Variants in PSG2 observed in about 807,000 individuals in gnomAD.
PSG2 encodes the protein pregnancy specific beta-1-glycoprotein 2.
PSG2 carries 49 observed loss-of-function variants against 36.2 expected under a neutral mutation model. The observed-to-expected ratio is 1.35, with a 90% CI of 1.08 to 1.72. The LOEUF (loss-of-function observed/expected upper bound fraction) is 1.72, where lower values mean the gene tolerates loss of function less well. Ranked by LOEUF, PSG2 falls within the 40% of genes most tolerant of loss-of-function variation. The pLI is 0.00. For synonymous variants in PSG2, 261 were observed against 155.6 expected, an observed-to-expected ratio of 1.68 and a Z score of -5.04; for missense variants, 605 against 407.2, an observed-to-expected ratio of 1.49 and a Z score of -4.18.
intron 3 of PSG2, among the ~76,000 whole-genome samples, chr19:43,073,528 G>A (rs955861907): frequency 1.3e-5 from 2 of 151,754 alleles, no homozygotes; most frequent in Middle Eastern, 3.2e-3. Flanking sequence ...TGATGGATAT[G>A]AGACAAATTT....
At chr19:43,075,304 T>C (rs751010328) in intron 3 of PSG2, 50 bp downstream of exon 3, 17 of 1,612,998 alleles carry the variant, frequency 1.1e-5, no homozygotes, top group South Asian at 9.9e-5. Context: ...CCTCTGGCCA[T>C]GTGTATTTGG....
chr19:43,068,792 C>T (rs953123415), intron 4 of PSG2, among the ~76,000 whole-genome samples: 5 of 151,590 alleles, frequency 3.3e-5, no homozygotes, highest in Admixed American at 6.6e-5. Context: ...AAAGCTTTCC[C>T]TGTATGAGCA....
chr19:43,075,492 G>C lies in PSG2; in HGVS notation c.571C>G (p.His191Asp), dbSNP rs753705992. The change falls in exon 3 of 6, where the codon CAT (histidine) becomes GAT (aspartate). Residue 191 changes from histidine to aspartate, a missense_variant. By Grantham distance (81) the His-to-Asp change is moderately conservative. Coordinates refer to ENST00000406487, the MANE Select transcript of PSG2 (RefSeq NM_031246.4). ...WMNGQSLPMTHRFQLSETNRT... is the reference protein window; with the variant it reads ...WMNGQSLPMTDRFQLSETNRT... ...TTGGTTTCGGACAGCTGAAACCTAT[G>C]AGTCATAGGGAGGCTCTGACCATTC... The C allele has an allele frequency of 8.1e-6, 13 of 1,613,084 alleles. No individual in the cohort carries two copies. The highest frequency in any genetic ancestry group is 1.1e-5 in the Non-Finnish European group (13 of 1,179,718).
At chr19:43,070,303 A>T (rs918229583) in intron 4 of PSG2, among the ~76,000 whole-genome samples, 1 of 151,732 alleles carries the variant, frequency 6.6e-6, no homozygotes, top group African/African-American at 2.4e-5. Context: ...TTTCTCAAAA[A>T]ATTAAACAAT....
rs1568510555 is a variant in PSG2 at position 43,067,584 on chromosome 19, GCA to G, written c.965-986_965-985del. ...TCAGGTAGACATTATTTCCATTTTG[GCA>G]ATGAAAAGACAGAAGCTTAGCGTGG... On this transcript the variant is annotated intron_variant, in intron 4 of 5. Transcript: ENST00000406487. Among the ~76,000 whole-genome samples, 437 of 151,016 alleles carry G rather than the reference GCA, an allele frequency of 2.9e-3. 3 individuals carry two copies. Among genetic ancestry groups the G allele is most frequent in the African/African-American group, 0.01 (416 of 40,616 alleles).
intron 4 of PSG2, among the ~76,000 whole-genome samples, chr19:43,069,073 C>T (rs1967781483): frequency 6.6e-6 from 1 of 151,444 alleles, no homozygotes; most frequent in South Asian, 2.1e-4. Context: ...TAACCATGAA[C>T]AGTCTGAAGG....
chr19:43,076,194 A>G (rs1967893451), intron 2 of PSG2, among the ~76,000 whole-genome samples: 1 of 151,702 alleles, frequency 6.6e-6, no homozygotes, highest in African/African-American at 2.4e-5. Flanking sequence ...CAGTTCAGTC[A>G]TCAGGCAGTG....
chr19:43,080,979 T>G lies in PSG2; in HGVS notation c.332A>C (p.Asn111Thr). Residue 111 changes from asparagine to threonine, a missense_variant, in exon 2 of 6, where the codon AAT becomes ACT. Physicochemically the swap from Asn to Thr is moderately conservative, Grantham distance 65 (BLOSUM62 0). Coordinates refer to ENST00000406487, the MANE Select transcript of PSG2 (RefSeq NM_031246.4). ...AYSNASLLIQ[N>T]VTREDAGSYT... ...GGATCCTGCGTCCTCCCGGGTGACA[T>G]TCTGGATCAGCAGGGATGCATTGGA... The G allele has an allele frequency of 6.2e-7, 1 of 1,613,118 alleles. No homozygotes were observed. Among genetic ancestry groups the G allele is most frequent in the Non-Finnish European group, 8.5e-7 (1 of 1,179,710 alleles).
Position 43,071,856 on chromosome 19 carries a change from G to A in PSG2, c.808C>T (p.Gln270Ter). ...TTCCCATTAATTGTCCAAGAATACT[G>A]TGCCGGTGGGTTAGAGTTCGCGAAG... ...SCFANSNPPA[Q>*]YSWTINGKFQ... The change falls in exon 4 of 6, where the codon CAG (glutamine) becomes TAG (stop). Residue 270 changes from glutamine (Q) to a stop codon, truncating the protein, a stop_gained. Coordinates refer to ENST00000406487, the MANE Select transcript of PSG2 (RefSeq NM_031246.4). LOFTEE classifies it high-confidence loss of function. The A allele has an allele frequency of 6.2e-7, 1 of 1,613,148 alleles. No homozygotes were observed. The highest frequency in any genetic ancestry group is 8.5e-7 in the Non-Finnish European group (1 of 1,179,634).
intron 4 of PSG2, among the ~76,000 whole-genome samples, chr19:43,070,686 G>A (rs1034285591): frequency 5.9e-5 from 9 of 151,756 alleles, no homozygotes; most frequent in Admixed American, 3.9e-4. Context: ...GGGTGCTAAG[G>A]GTTCGAGGGA....
rs1292629842 is a variant in PSG2, at chr19:43,081,306, G to T, written c.65-60C>A. ...ACCTATGTATTGGGGTGAAAAGATG[G>T]GGCCCTGGGTCCTGAGGAGGTCTCT... On this transcript the variant is annotated intron_variant, in intron 1 of 5. Coordinates refer to ENST00000406487, the MANE Select transcript of PSG2 (RefSeq NM_031246.4). 5 of 1,563,874 alleles carry T rather than the reference G, an allele frequency of 3.2e-6. No homozygotes were observed. The South Asian group carries it at 3.7e-5, about 12-fold the overall frequency.
intron 4 of PSG2, among the ~76,000 whole-genome samples, chr19:43,067,406 G>T (rs1272737976): frequency 6.6e-6 from 1 of 150,922 alleles, no homozygotes; most frequent in Non-Finnish European, 1.5e-5. Context: ...CCCACAAGCA[G>T]TCAGTAACCA....
rs1208794003 is a variant in PSG2, at chr19:43,072,332, A to C, written c.710-378T>G. ...TGGATTTAAGCTGGTGGCCTGGCCC[A>C]CAGAGGAACAAAAGATACAGAGGAC... On this transcript the variant is annotated intron_variant, in intron 3 of 5. Coordinates refer to ENST00000406487, the MANE Select transcript of PSG2 (RefSeq NM_031246.4). The C allele has an allele frequency of 3.7e-6, 6 of 1,611,282 alleles. No individual in the cohort carries two copies. The East Asian group carries it at 1.3e-4, about 36-fold the overall frequency.
chr19:43,074,880 A>T (rs1967868832), intron 3 of PSG2, among the ~76,000 whole-genome samples: 1 of 150,980 alleles, frequency 6.6e-6, no homozygotes, highest in Non-Finnish European at 1.5e-5. Context: ...AGTGTCTGTG[A>T]GGCAGGAGAG....
chr19:43,070,982 G>A (rs528993202), intron 4 of PSG2, among the ~76,000 whole-genome samples: 15 of 151,702 alleles, frequency 9.9e-5, no homozygotes, highest in African/African-American at 2.9e-4. Flanking sequence ...TGTGTCCCAC[G>A]TACTGTGCCC....
In PSG2 at chr19:43,082,122, CTTTTTTTTTTTTTTTTTTT is replaced by C. The variant is rs71169213; in HGVS notation, c.64+365_64+383del. On this transcript the variant is annotated intron_variant, in intron 1 of 5. Transcript: ENST00000406487. The stretch of plus-strand genomic sequence containing the variant: ...CTTTCCTTTTATTTCTTTCTTCTCT[CTTTTTTTTTTTTTTTTTTT>C]TTTTTTTTTTTTTTTTTGAGACGGA... 196 of 68,020 alleles carry C rather than the reference CTTTTTTTTTTTTTTTTTTT, an allele frequency of 2.9e-3. 6 individuals carry two copies. The highest frequency in any genetic ancestry group is 1.8e-3 in the Non-Finnish European group (69 of 37,546). 4.2% of individuals were successfully genotyped at this position (68,020 alleles called of 1,614,324 possible).
At chr19:43,072,505 C>T in intron 3 of PSG2, 1 of 1,611,244 alleles carries the variant, frequency 6.2e-7, no homozygotes, top group Non-Finnish European at 8.5e-7. Context: ...CCGGGAGGCT[C>T]TGACCATTTA....
intron 4 of PSG2, among the ~76,000 whole-genome samples, chr19:43,070,444 C>T (rs144569014): frequency 0.091 from 13,855 of 151,472 alleles, 864 homozygotes; most frequent in African/African-American, 0.11. Context: ...TGGAAACAAC[C>T]AAAAAGTCCA....
At position 43,071,958 on chromosome 19, in the gene PSG2, G is replaced by C. The variant is rs770306164; in HGVS notation, c.710-4C>G. On this transcript the variant is annotated splice_polypyrimidine_tract_variant and splice_region_variant and intron_variant, in intron 3 of 5. Transcript: ENST00000406487. The stretch of plus-strand genomic sequence containing the variant: ...ATTCTGGGGAGGTCTGGACCATCTG[G>C]AGCAAAGAGAATAAAGCCACAGGTG... The C allele has an allele frequency of 2.5e-6, 4 of 1,611,872 alleles. No individual in the cohort carries two copies. The highest frequency in any genetic ancestry group is 3.4e-6 in the Non-Finnish European group (4 of 1,178,830).
Sources: allele counts gnomAD v4.1 joint callset (sites outside exome capture counted in the v4.1 genomes callset), GRCh38; gene constraint gnomAD v4.1.1; transcripts MANE v1.5; gene names NCBI Gene and HGNC (gene_info 2026-07-23, HGNC 2026-07-21).